COL24A1: variants seen among roughly 807,000 people sequenced by gnomAD.
The protein encoded by COL24A1 is collagen alpha-1(XXIV) chain.
COL24A1 carries 224 observed loss-of-function variants against 253.9 expected under a neutral mutation model. That is an observed-to-expected ratio of 0.88 (90% CI 0.79 to 0.99). The LOEUF is 0.99. Among genes scored for constraint, COL24A1 ranks in the 50% least tolerant of loss-of-function variants. The pLI, the probability that COL24A1 is intolerant of heterozygous loss-of-function variation, is 0.00. For missense variants in COL24A1, 2,131 were observed against 2,068.5 expected (o/e 1.03, Z -0.59); for synonymous variants, 685 against 673.7 (o/e 1.02, Z -0.26).
chr1:85,758,952 C>T (rs1001173067), intron 55 of COL24A1, among the ~76,000 whole-genome samples: 13 of 151,286 alleles, frequency 8.6e-5, no homozygotes, highest in African/African-American at 2.4e-4. Flanking sequence ...ATTTTAATCA[C>T]CCAAAAAGAA....
At chr1:86,124,505 T>C (rs1327808902) in intron 3 of COL24A1, among the ~76,000 whole-genome samples, 1 of 151,978 alleles carries the variant, frequency 6.6e-6, no homozygotes, top group African/African-American at 2.4e-5. Flanking sequence ...TCCTATGGTT[T>C]TCAAAATATA....
intron 45 of COL24A1, 32 bp from the exon 46 acceptor site, chr1:85,818,119 T>C: frequency 6.4e-7 from 1 of 1,566,876 alleles, no homozygotes; most frequent in Non-Finnish European, 8.8e-7. Context: ...GTCAATTGAC[T>C]GTAATAATCT....
intron 24 of COL24A1, among the ~76,000 whole-genome samples, chr1:85,941,151 G>C (rs1039404416): frequency 6.6e-6 from 1 of 152,118 alleles, no homozygotes; most frequent in Non-Finnish European, 1.5e-5. Flanking sequence ...GGAATGTTAA[G>C]AGAATGTTCA....
rs1701513768 is a variant in COL24A1 at position 86,066,646 on chromosome 1, T to G, written c.1708-2887A>C. ...ATAACAATGAACAGATCAAGCCATC[T>G]TGATCTGTTCTAGATCCAGTTTTAC... is the stretch of plus-strand genomic sequence containing the variant. On this transcript the variant is annotated intron_variant, in intron 7 of 59. Coordinates refer to ENST00000370571, the MANE Select transcript of COL24A1 (RefSeq NM_152890.7). Among the ~76,000 whole-genome samples, 5 of 152,330 alleles carry G rather than the reference T, an allele frequency of 3.3e-5. No homozygotes were observed. The South Asian group carries it at 1.0e-3, about 32-fold the overall frequency.
At chr1:85,902,756 G>C (rs1293697666) in intron 28 of COL24A1, among the ~76,000 whole-genome samples, 1 of 152,094 alleles carries the variant, frequency 6.6e-6, no homozygotes, top group African/African-American at 2.4e-5. Context: ...GGCTGGGAAG[G>C]GTGTATGGAT....
chr1:86,135,132 T>G (rs1650012003), intron 2 of COL24A1, among the ~76,000 whole-genome samples: 1 of 149,028 alleles, frequency 6.7e-6, no homozygotes, highest in Non-Finnish European at 1.5e-5. Context: ...TTGATCCTTG[T>G]TGGTTTAAAG....
rs1648106330 is a variant in COL24A1 at position 86,125,384 on chromosome 1, G to T, written c.952C>A (p.Gln318Lys). ...QISRSQLSSL[Q>K]SGNVSAVDLT... The stretch of plus-strand genomic sequence containing the variant: ...TCCACAGCAGAGACATTTCCTGACT[G>T]AAGAGAAGATAACTGAGATCTTGAT... Residue 318 changes from glutamine (Q) to lysine (K), a missense_variant, in exon 3 of 60, where the codon CAG becomes AAG. By Grantham distance (53) the Gln-to-Lys change is moderately conservative. Transcript: ENST00000370571. The T allele has an allele frequency of 6.2e-7, 1 of 1,613,520 alleles. No individual in the cohort carries two copies. Among genetic ancestry groups the T allele is most frequent in the African/African-American group, 1.3e-5 (1 of 74,882 alleles).
At chr1:86,066,965 C>G (rs995179407) in intron 7 of COL24A1, among the ~76,000 whole-genome samples, 4 of 151,866 alleles carry the variant, frequency 2.6e-5, no homozygotes, top group African/African-American at 7.3e-5. Context: ...TGATGAAACC[C>G]GTCTCTATTA....
intron 19 of COL24A1, among the ~76,000 whole-genome samples, chr1:85,991,428 A>G (rs1268199908): frequency 6.6e-6 from 1 of 152,200 alleles, no homozygotes; most frequent in Non-Finnish European, 1.5e-5. Context: ...AAAAGGAGGA[A>G]CTGCTTACTT....
At chr1:85,868,483 C>A in intron 37 of COL24A1, 36 bp downstream of exon 37, 1 of 1,475,132 alleles carries the variant, frequency 6.8e-7, no homozygotes, top group Non-Finnish European at 9.5e-7. Context: ...GCAGTGAATT[C>A]ACTTAGTATT....
At chr1:86,032,001 C>T (rs1698612857) in intron 13 of COL24A1, 79 bp from the exon 14 acceptor site, 3 of 1,168,570 alleles carry the variant, frequency 2.6e-6, no homozygotes, top group Non-Finnish European at 3.7e-6. Flanking sequence ...AAACACAAAA[C>T]TTTCTAGCTA....
chr1:86,062,470 A>C (rs1268793956), intron 8 of COL24A1, among the ~76,000 whole-genome samples: 2 of 152,036 alleles, frequency 1.3e-5, no homozygotes, highest in African/African-American at 4.8e-5. Context: ...AACCTTTAAA[A>C]TTGGTTTTAG....
At position 85,861,593 on chromosome 1, in the gene COL24A1, T is replaced by C. The variant is rs140244906; in HGVS notation, c.3300+6926A>G. Among the ~76,000 whole-genome samples the C allele has an allele frequency of 3.7e-3, 569 of 152,342 alleles. 1 individual carries two copies. The highest frequency in any genetic ancestry group is 6.8e-3 in the Middle Eastern group (2 of 294). On this transcript the variant is annotated intron_variant, in intron 37 of 59. Transcript: ENST00000370571. Reference sequence around the variant, plus strand: ...TGCAGTAGAAGGAAGGGTTCAACTTTATTCTTTTGCATGTGGTTATCCAGT... The same window carrying C: ...TGCAGTAGAAGGAAGGGTTCAACTTCATTCTTTTGCATGTGGTTATCCAGT...
chr1:85,997,241 C>T (rs915470736), intron 19 of COL24A1, among the ~76,000 whole-genome samples: 2 of 151,314 alleles, frequency 1.3e-5, no homozygotes, highest in African/African-American at 4.9e-5. Flanking sequence ...TAGGTGCCTG[C>T]ACTATGTTAG....
At chr1:85,872,257 T>C (rs1188135184) in intron 35 of COL24A1, among the ~76,000 whole-genome samples, 4 of 152,156 alleles carry the variant, frequency 2.6e-5, no homozygotes, top group Admixed American at 1.3e-4. Flanking sequence ...ATTGTCAAAA[T>C]GGCCATATTG....
At chr1:85,793,793 A>C (rs116438963) in intron 47 of COL24A1, among the ~76,000 whole-genome samples, 13 of 152,120 alleles carry the variant, frequency 8.5e-5, no homozygotes, top group Non-Finnish European at 1.6e-4. Context: ...TTGGGATTTA[A>C]ATTTTCAAAA....
chr1:86,030,764 T>G, intron 14 of COL24A1, among the ~76,000 whole-genome samples: 1 of 150,760 alleles, frequency 6.6e-6, no homozygotes, highest in African/African-American at 2.4e-5. Context: ...TTTTTTTTTT[T>G]TGTTGTTGTT....
chr1:85,745,634 A>G, intron 55 of COL24A1, 128 bp from the exon 56 acceptor site: 1 of 602,356 alleles, frequency 1.7e-6, no homozygotes, highest in Non-Finnish European at 2.7e-6. Flanking sequence ...GGGTTCTGTA[A>G]CTCTTACGGT....
At chr1:86,113,077 G>A (rs1485057119) in intron 4 of COL24A1, among the ~76,000 whole-genome samples, 1 of 152,084 alleles carries the variant, frequency 6.6e-6, no homozygotes, top group Non-Finnish European at 1.5e-5. Context: ...CACATTGAAT[G>A]GTTACACTCG....
Sources: allele counts gnomAD v4.1 joint callset (sites outside exome capture counted in the v4.1 genomes callset), GRCh38; gene constraint gnomAD v4.1.1; transcripts MANE v1.5; gene names NCBI Gene and HGNC (gene_info 2026-07-23, HGNC 2026-07-21).